The following MAST4 variants were observed in gnomAD, a reference collection of about 807,000 sequenced individuals.
The protein encoded by MAST4 is microtubule associated serine/threonine kinase family member 4, also known as microtubule-associated serine/threonine-protein kinase 4.
A neutral mutation model predicts 162.7 loss-of-function variants in MAST4; 89 were observed. The ratio of observed to expected loss-of-function variants is 0.55; its 90% confidence interval spans 0.46 to 0.65. MAST4 has a LOEUF of 0.65. Ranked by LOEUF, MAST4 falls within the 30% of genes least tolerant of loss-of-function variation. The pLI, the probability that MAST4 is intolerant of heterozygous loss-of-function variation, is 0.00. For synonymous variants in MAST4, 1,479 were observed against 1,361.1 expected, an observed-to-expected ratio of 1.09 and a Z score of -1.91; for missense variants, 3,153 against 3,374.0, an observed-to-expected ratio of 0.93 and a Z score of 1.62.
chr5:67,132,971 C>T (rs1769175555), intron 16 of MAST4, among the ~76,000 whole-genome samples: 1 of 151,616 alleles, frequency 6.6e-6, no homozygotes, highest in African/African-American at 2.4e-5. Flanking sequence ...TTTTATTTTC[C>T]CACTTAAAAT....
At chr5:66,978,522 A>C (rs1256326776) in intron 4 of MAST4, among the ~76,000 whole-genome samples, 1 of 152,218 alleles carries the variant, frequency 6.6e-6, no homozygotes, top group Non-Finnish European at 1.5e-5. Context: ...ACACCTGAAA[A>C]AATGTACAGA....
chr5:67,052,881 T>C (rs1758356942), intron 4 of MAST4, among the ~76,000 whole-genome samples: 1 of 152,190 alleles, frequency 6.6e-6, no homozygotes, highest in African/African-American at 2.4e-5. Flanking sequence ...TTAATATTTC[T>C]GTATTGGAAT....
At position 66,899,575 on chromosome 5, in the gene MAST4, A is replaced by C. The variant is rs181324953; in HGVS notation, c.643-376A>C. ...TACATTGCACCTTTCATTTAATTAT[A>C]ATCCTGCAAAATGTCTCCTACTTCT... On this transcript the variant is annotated intron_variant, in intron 3 of 28. Coordinates refer to ENST00000403625, the MANE Select transcript of MAST4 (RefSeq NM_001164664.2). Among the ~76,000 whole-genome samples, 10 of 152,312 alleles carry C rather than the reference A, an allele frequency of 6.6e-5. No homozygotes were observed. In the East Asian group the frequency reaches 1.7e-3, roughly 26 times the overall value.
chr5:66,971,691 T>C (rs2150201110), intron 4 of MAST4, among the ~76,000 whole-genome samples: 1 of 152,338 alleles, frequency 6.6e-6, no homozygotes, highest in East Asian at 1.9e-4. Context: ...TTAACAGTTA[T>C]CTTTTTTTAG....
intron 11 of MAST4, among the ~76,000 whole-genome samples, chr5:67,111,457 T>C (rs1481666093): frequency 6.6e-6 from 1 of 152,078 alleles, no homozygotes; most frequent in Non-Finnish European, 1.5e-5. Context: ...AGGGAAGGGC[T>C]TTCTATCAAT....
chr5:67,049,145 G>T (rs902016554), intron 4 of MAST4, among the ~76,000 whole-genome samples: 1 of 148,744 alleles, frequency 6.7e-6, no homozygotes, highest in Non-Finnish European at 1.5e-5. Context: ...TGCCTTTTGG[G>T]GACTGGAATA....
intron 1 of MAST4, among the ~76,000 whole-genome samples, chr5:66,697,859 A>T (rs191186177): frequency 5.3e-5 from 8 of 152,292 alleles, no homozygotes; most frequent in African/African-American, 1.9e-4. Context: ...TAGATATGAC[A>T]CCTAATAACA....
chr5:67,079,334 A>C (rs1463659576), intron 5 of MAST4, among the ~76,000 whole-genome samples: 1 of 152,184 alleles, frequency 6.6e-6, no homozygotes, highest in African/African-American at 2.4e-5. Flanking sequence ...TAATTAAAAA[A>C]TAGCAAATAT....
intron 1 of MAST4, among the ~76,000 whole-genome samples, chr5:66,677,706 C>A (rs1230754285): frequency 1.3e-5 from 2 of 152,152 alleles, no homozygotes; most frequent in Non-Finnish European, 2.9e-5. Context: ...GATGTTTAAA[C>A]CATGTCTGGA....
At chr5:66,981,084 A>C (rs568468340) in intron 4 of MAST4, among the ~76,000 whole-genome samples, 2 of 152,202 alleles carry the variant, frequency 1.3e-5, no homozygotes, top group Non-Finnish European at 2.9e-5. Flanking sequence ...TCGTTTGGGC[A>C]TAGAAATTTT....
intron 3 of MAST4, among the ~76,000 whole-genome samples, chr5:66,854,760 A>T (rs1433657983): frequency 2.6e-5 from 4 of 152,080 alleles, no homozygotes; most frequent in Non-Finnish European, 5.9e-5. Flanking sequence ...AGACTAAAAA[A>T]AGGTATGAAG....
intron 1 of MAST4, among the ~76,000 whole-genome samples, chr5:66,600,744 A>G (rs567364837): frequency 6.2e-4 from 95 of 152,246 alleles, no homozygotes; most frequent in Non-Finnish European, 1.1e-3. Flanking sequence ...TAAATTTTGA[A>G]CAAAGTCAAA....
intron 1 of MAST4, among the ~76,000 whole-genome samples, chr5:66,644,480 T>A (rs1487205011): frequency 6.6e-6 from 1 of 152,200 alleles, no homozygotes; most frequent in Non-Finnish European, 1.5e-5. Flanking sequence ...GAGAGAGAAA[T>A]CTCTTTGGCT....
chr5:66,906,446 C>T (rs910192799), intron 4 of MAST4, among the ~76,000 whole-genome samples: 10 of 152,108 alleles, frequency 6.6e-5, no homozygotes, highest in African/African-American at 2.2e-4. Context: ...TAGGGCTGGC[C>T]TTGGAATAAG....
At chr5:66,880,105 A>C (rs1342465743) in intron 3 of MAST4, among the ~76,000 whole-genome samples, 1 of 152,230 alleles carries the variant, frequency 6.6e-6, no homozygotes, top group African/African-American at 2.4e-5. Context: ...ACAGCTATGT[A>C]AAAGACTGAG....
At chr5:66,809,134 C>G (rs1561346209) in intron 3 of MAST4, among the ~76,000 whole-genome samples, 1 of 152,202 alleles carries the variant, frequency 6.6e-6, no homozygotes, top group Non-Finnish European at 1.5e-5. Context: ...ATGCCTTTCT[C>G]TACATAGTTT....
At chr5:66,878,479 C>T (rs2149896277) in intron 3 of MAST4, among the ~76,000 whole-genome samples, 1 of 152,292 alleles carries the variant, frequency 6.6e-6, no homozygotes, top group South Asian at 2.1e-4. Flanking sequence ...ACACAAGATC[C>T]CAGAGCTAGT....
Position 66,619,101 on chromosome 5 carries a change from T to C in MAST4, c.363+22083T>C, listed in dbSNP as rs564128536. ...AGAATAACACTTGTCTATCTAATAC[T>C]TTTTGGTCATTTGTTAGTGCTTTGT... is the stretch of plus-strand genomic sequence containing the variant. On this transcript the variant is annotated intron_variant, in intron 1 of 28. Transcript: ENST00000403625. Among the ~76,000 whole-genome samples, 3 of 152,306 alleles carry C rather than the reference T, an allele frequency of 2.0e-5. No individual in the cohort carries two copies. The Middle Eastern group carries it at 0.01, about 518-fold the overall frequency.
intron 3 of MAST4, among the ~76,000 whole-genome samples, chr5:66,837,890 ATATATTTTTTTT>A (rs1214311641): frequency 7.1e-5 from 2 of 28,072 alleles, no homozygotes; most frequent in African/African-American, 3.3e-4. Context: ...ATATATATAT[ATATATTTTTTTT>A]TTTTTTTTTT....
Sources: gnomAD v4.1 joint callset for allele counts (sites outside exome capture counted in the v4.1 genomes callset) on GRCh38, gnomAD v4.1.1 for gene constraint, MANE v1.5 for transcripts, NCBI Gene and HGNC (gene_info 2026-07-23, HGNC 2026-07-21) for gene names.